The following KDM3B variants were observed in gnomAD, a reference collection of about 807,000 sequenced individuals.
KDM3B encodes lysine-specific demethylase 3B.
Under a neutral mutation model 170.0 loss-of-function variants are expected in KDM3B, and 10 were observed. The observed-to-expected ratio is 0.06, with a 90% CI of 0.04 to 0.10. The LOEUF is 0.10. Among genes scored for constraint, KDM3B ranks in the 10% least tolerant of loss-of-function variants. The pLI is 1.00. For missense variants in KDM3B, 1,394 were observed against 2,195.2 expected (o/e 0.64, Z 7.29); for synonymous variants, 831 against 834.8 (o/e 1.00, Z 0.08).
intron 12 of KDM3B, among the ~76,000 whole-genome samples, chr5:138,417,083 C>T (rs1364271236): frequency 3.9e-5 from 6 of 152,312 alleles, no homozygotes; most frequent in South Asian, 2.1e-4. Context: ...TGGCCTCCCA[C>T]GTGCTGGGAT....
chr5:138,415,827 T>C (rs991610242), intron 12 of KDM3B, among the ~76,000 whole-genome samples: 1 of 152,166 alleles, frequency 6.6e-6, no homozygotes, highest in Non-Finnish European at 1.5e-5. Context: ...TCAGAGGACC[T>C]GGTCTTGTTT....
intron 1 of KDM3B, among the ~76,000 whole-genome samples, chr5:138,368,639 G>C (rs1761804032): frequency 6.6e-6 from 1 of 151,948 alleles, no homozygotes; most frequent in South Asian, 2.1e-4. Context: ...TCACTCTTGG[G>C]GGAATATGTT....
At chr5:138,368,423 A>T (rs1359120625) in intron 1 of KDM3B, among the ~76,000 whole-genome samples, 1 of 151,218 alleles carries the variant, frequency 6.6e-6, no homozygotes, top group Non-Finnish European at 1.5e-5. Context: ...TTTTGTAGAG[A>T]CAGGATCTTG....
At position 138,427,398 on chromosome 5, in the gene KDM3B, T is replaced by C. The variant is rs1024379446; in HGVS notation, c.4633+79T>C. 23 of 1,500,778 alleles carry C rather than the reference T, an allele frequency of 1.5e-5. No individual in the cohort carries two copies. In the African/African-American group the frequency reaches 2.9e-4, roughly 19 times the overall value. 93.0% of individuals were successfully genotyped at this position (1,500,778 alleles called of 1,614,324 possible). On this transcript the variant is annotated intron_variant, in intron 19 of 23. Transcript: ENST00000314358. Reference sequence around the variant, plus strand: ...ACTATAGAAGGATATCTGTGGTCAATGTCAGGTATAGAGATGATTGCAGGC... The same window carrying C: ...ACTATAGAAGGATATCTGTGGTCAACGTCAGGTATAGAGATGATTGCAGGC...
In KDM3B at chr5:138,386,113, C is replaced by T. The variant is rs761894333; in HGVS notation, c.872C>T (p.Ser291Leu). ...GATGGCCGGAGGAGGAAAAGTGCTT[C>T]GGACTCTGGGTGTGACCCTGCATCA... ...GKDGRRRKSASDSGCDPASKK... is the reference protein window; with the variant it reads ...GKDGRRRKSALDSGCDPASKK... The change falls in exon 7 of 24, where the codon TCG becomes TTG. Residue 291 changes from serine to leucine, a missense_variant. Transcript: ENST00000314358. 2.5e-6 allele frequency: 4 copies of T among 1,614,112 alleles called. No homozygotes were observed. Among genetic ancestry groups the T allele is most frequent in the Non-Finnish European group, 3.4e-6 (4 of 1,180,020 alleles).
intron 17 of KDM3B, 30 bp from the exon 18 acceptor site, chr5:138,426,945 A>T (rs745610742): frequency 6.5e-7 from 1 of 1,543,588 alleles, no homozygotes; most frequent in Non-Finnish European, 9.0e-7. Context: ...AAACCAGCAG[A>T]TGTTTGTGGG....
chr5:138,392,483 A>G (rs1762459994), intron 8 of KDM3B, among the ~76,000 whole-genome samples: 1 of 152,168 alleles, frequency 6.6e-6, no homozygotes, highest in African/African-American at 2.4e-5. Context: ...AAATAATGAT[A>G]ATCCCCCAAA....
Position 138,391,356 on chromosome 5 carries a change from T to C in KDM3B, c.1724T>C (p.Leu575Pro). The change falls in exon 8 of 24, where the codon CTT becomes CCT. Residue 575 changes from leucine to proline, a missense_variant. Physicochemically the swap from Leu to Pro is moderately conservative, Grantham distance 98. Coordinates refer to ENST00000314358, the MANE Select transcript of KDM3B (RefSeq NM_016604.4). This position sits in a 1 kb window ranked among gnomAD's most constrained non-coding sequence, Gnocchi z 5.0. Reference sequence around the variant, plus strand: ...GGCCTGTGTAAAGGCAGATCCGTTCTTGGAACAGACACTAAGCCAGGCTCT... The same window carrying C: ...GGCCTGTGTAAAGGCAGATCCGTTCCTGGAACAGACACTAAGCCAGGCTCT... Reference protein sequence around the residue: ...SSGLCKGRSVLGTDTKPGSKA... With the variant: ...SSGLCKGRSVPGTDTKPGSKA... 5.0e-6 allele frequency: 8 copies of C among 1,614,186 alleles called. No individual in the cohort carries two copies. Among genetic ancestry groups the C allele is most frequent in the Non-Finnish European group, 6.8e-6 (8 of 1,180,042 alleles).
At chr5:138,358,626 T>A (rs1438577499) in intron 1 of KDM3B, among the ~76,000 whole-genome samples, 1 of 151,076 alleles carries the variant, frequency 6.6e-6, no homozygotes, top group Non-Finnish European at 1.5e-5. Flanking sequence ...TGAGTGGTTT[T>A]ATCTGTCATC....
chr5:138,383,008 C>T (rs1762164036), intron 6 of KDM3B, among the ~76,000 whole-genome samples: 1 of 152,152 alleles, frequency 6.6e-6, no homozygotes, highest in South Asian at 2.1e-4. Context: ...TTGTAGGCTG[C>T]TTACTCACGT....
intron 1 of KDM3B, among the ~76,000 whole-genome samples, chr5:138,359,455 C>T (rs1018501550): frequency 6.8e-6 from 1 of 147,508 alleles, no homozygotes; most frequent in South Asian, 2.2e-4. Flanking sequence ...AGCCACCGTG[C>T]CCCCCCCACC....
At chr5:138,428,123 G>A (rs767616001) in intron 20 of KDM3B, 37 bp downstream of exon 20, 1 of 1,602,920 alleles carries the variant, frequency 6.2e-7, no homozygotes. Context: ...AGGATGGTGA[G>A]GCTTTGTCTT....
Position 138,391,712 on chromosome 5 carries a change from A to G in KDM3B, c.2080A>G (p.Ile694Val), listed in dbSNP as rs781672306. The G allele has an allele frequency of 8.1e-6, 13 of 1,613,898 alleles. No homozygotes were observed. The highest frequency in any genetic ancestry group is 1.1e-5 in the South Asian group (1 of 91,078). The change falls in exon 8 of 24, where the codon ATT becomes GTT. Residue 694 changes from isoleucine (I) to valine (V), a missense_variant. By Grantham distance (29) the Ile-to-Val change is conservative. Around this residue, in one of 19 missense-constraint regions of KDM3B, gnomAD observed 294 missense variants for 311.7 expected, o/e 0.94. Transcript: ENST00000314358. This position sits in a 1 kb window ranked among gnomAD's most constrained non-coding sequence, Gnocchi z 5.0. ...TTTAGCAAAGAAGAAACCCCTCTTC[A>G]TTACAACTGACTCCTCCAAGCTAGT... is the stretch of plus-strand genomic sequence containing the variant. ...ASLAKKKPLF[I>V]TTDSSKLVSG...
chr5:138,388,814 A>T (rs1561771445), intron 7 of KDM3B, among the ~76,000 whole-genome samples: 1 of 152,206 alleles, frequency 6.6e-6, no homozygotes, highest in African/African-American at 2.4e-5. Context: ...TCCGTCTCAA[A>T]AAATAAATAA....
At chr5:138,419,280 T>G (rs1763191397) in intron 14 of KDM3B, 48 bp downstream of exon 14, 1 of 1,564,056 alleles carries the variant, frequency 6.4e-7, no homozygotes, top group Admixed American at 1.9e-5. Flanking sequence ...AAATCATGAG[T>G]TTTTTCCAGG....
intron 14 of KDM3B, among the ~76,000 whole-genome samples, chr5:138,419,706 C>T (rs1763214386): frequency 8.3e-6 from 1 of 120,186 alleles, no homozygotes; most frequent in African/African-American, 3.5e-5. Context: ...TATATACACA[C>T]ACACATATAT....
At chr5:138,392,842 G>T (rs1308641958) in intron 8 of KDM3B, among the ~76,000 whole-genome samples, 1 of 152,174 alleles carries the variant, frequency 6.6e-6, no homozygotes, top group Non-Finnish European at 1.5e-5. Context: ...AGCTCAAGAG[G>T]TCCTGATGAA....
chr5:138,368,679 T>G (rs1001090936), intron 1 of KDM3B, among the ~76,000 whole-genome samples: 1 of 152,212 alleles, frequency 6.6e-6, no homozygotes, highest in African/African-American at 2.4e-5. Flanking sequence ...TATTTACATA[T>G]ATCTACATTC....
intron 11 of KDM3B, among the ~76,000 whole-genome samples, chr5:138,408,401 AAAG>A (rs1409903416): frequency 2.5e-4 from 35 of 139,866 alleles, no homozygotes; most frequent in African/African-American, 7.8e-4. Context: ...AAAAAAAAAA[AAAG>A]AAAGAAATTG....
Sources: gnomAD v4.1 joint callset for allele counts (sites outside exome capture counted in the v4.1 genomes callset) on GRCh38, gnomAD v4.1.1 for gene constraint, gnomAD v4.1.1 regional missense constraint, Gnocchi (gnomAD v3.1) non-coding constraint, MANE v1.5 for transcripts, NCBI Gene and HGNC (gene_info 2026-07-23, HGNC 2026-07-21) for gene names.